Variants in KCND2 observed in about 807,000 individuals in gnomAD.
The protein encoded by KCND2 is potassium voltage-gated channel subfamily D member 2, also known as A-type voltage-gated potassium channel KCND2.
In KCND2, 16 loss-of-function variants were observed where a neutral mutation model predicts 54.4. The ratio of observed to expected loss-of-function variants is 0.29; its 90% CI spans 0.20 to 0.45. KCND2 has a LOEUF of 0.45. KCND2 is among the 20% of genes least tolerant of loss of function. The pLI, the probability that KCND2 is intolerant of heterozygous loss-of-function variation, is 1.00. For synonymous variants in KCND2, 317 were observed against 310.7 expected (o/e 1.02, Z -0.21); for missense variants, 486 against 824.2 (o/e 0.59, Z 5.02).
At chr7:120,352,358 ATATG>A (rs1280270045) in intron 1 of KCND2, among the ~76,000 whole-genome samples, 15 of 152,038 alleles carry the variant, frequency 9.9e-5, no homozygotes, top group Admixed American at 8.5e-4. Flanking sequence ...AAATACATAC[ATATG>A]TATGTATATA....
At chr7:120,645,572 T>A (rs947188309) in intron 1 of KCND2, among the ~76,000 whole-genome samples, 1 of 152,214 alleles carries the variant, frequency 6.6e-6, no homozygotes, top group Non-Finnish European at 1.5e-5. Context: ...GCTGACCACA[T>A]AACATGTGGC....
chr7:120,746,068 GT>G, intron 5 of KCND2, 41 bp downstream of exon 5: 7 of 1,604,456 alleles, frequency 4.4e-6, no homozygotes, highest in Non-Finnish European at 5.1e-6. Context: ...ACCTGTGCTG[GT>G]TCCCAGGGTG....
intron 1 of KCND2, among the ~76,000 whole-genome samples, chr7:120,624,775 T>G: frequency 7.2e-6 from 1 of 139,852 alleles, no homozygotes; most frequent in African/African-American, 3.0e-5. Context: ...ACTGAGACCC[T>G]GTCTCAAAAA....
chr7:120,566,469 C>T (rs953820309), intron 1 of KCND2, among the ~76,000 whole-genome samples: 4 of 152,002 alleles, frequency 2.6e-5, no homozygotes, highest in Admixed American at 2.6e-4. Context: ...AAGCCTCCCA[C>T]GTACCTGGGG....
chr7:120,307,394 G>A (rs766445631), intron 1 of KCND2, among the ~76,000 whole-genome samples: 3 of 152,042 alleles, frequency 2.0e-5, no homozygotes, highest in Non-Finnish European at 2.9e-5. Flanking sequence ...TGGGGACAGT[G>A]ATATACCTAC....
chr7:120,494,339 C>G (rs1802821979), intron 1 of KCND2, among the ~76,000 whole-genome samples: 1 of 152,004 alleles, frequency 6.6e-6, no homozygotes, highest in South Asian at 2.1e-4. Context: ...TATTGTGACA[C>G]CATGTTTGAA....
chr7:120,319,995 C>T (rs1799870967), intron 1 of KCND2, among the ~76,000 whole-genome samples: 1 of 151,854 alleles, frequency 6.6e-6, no homozygotes, highest in African/African-American at 2.4e-5. Context: ...TGCAAAAGTG[C>T]AAGATTGTTA....
At position 120,347,283 on chromosome 7, in the gene KCND2, T is replaced by A. The variant is rs1274035619; in HGVS notation, c.1115+71536T>A. Reference sequence around the variant, plus strand: ...GGTCTTTAGCCCTTAACTACTTAAGTATTCAGAACAGGTTTCAGACTGTGT... The same window carrying A: ...GGTCTTTAGCCCTTAACTACTTAAGAATTCAGAACAGGTTTCAGACTGTGT... On this transcript the variant is annotated intron_variant, in intron 1 of 5. Coordinates refer to ENST00000331113, the MANE Select transcript of KCND2 (RefSeq NM_012281.3). Among the ~76,000 whole-genome samples, 3 of 152,308 alleles carry A rather than the reference T, an allele frequency of 2.0e-5. No homozygotes were observed. The East Asian group carries it at 5.8e-4, about 29-fold the overall frequency.
intron 1 of KCND2, among the ~76,000 whole-genome samples, chr7:120,511,052 A>T (rs1156393166): frequency 1.3e-5 from 2 of 149,038 alleles, no homozygotes; most frequent in Non-Finnish European, 3.0e-5. Context: ...ACACACACAC[A>T]CTTCTCAGAG....
At chr7:120,383,948 C>T (rs1336066089) in intron 1 of KCND2, among the ~76,000 whole-genome samples, 1 of 151,994 alleles carries the variant, frequency 6.6e-6, no homozygotes, top group Admixed American at 6.6e-5. Context: ...GGCAAATGTA[C>T]AAGGATTGTG....
intron 1 of KCND2, among the ~76,000 whole-genome samples, chr7:120,706,976 A>C (rs1562915884): frequency 6.6e-6 from 1 of 152,148 alleles, no homozygotes; most frequent in Admixed American, 6.6e-5. Context: ...TGAGGTACAA[A>C]ACACAAGCAT....
intron 1 of KCND2, among the ~76,000 whole-genome samples, chr7:120,607,996 C>T (rs1368262037): frequency 7.7e-6 from 1 of 129,596 alleles, no homozygotes; most frequent in Non-Finnish European, 1.6e-5. Flanking sequence ...ACTTTCAATG[C>T]CAGCCTAAGG....
At chr7:120,554,472 G>A (rs1039113968) in intron 1 of KCND2, among the ~76,000 whole-genome samples, 1 of 151,630 alleles carries the variant, frequency 6.6e-6, no homozygotes, top group Non-Finnish European at 1.5e-5. Context: ...ACAGTGGCGC[G>A]ATCTCAGCTC....
At chr7:120,437,261 G>C (rs779783053) in intron 1 of KCND2, among the ~76,000 whole-genome samples, 41 of 144,596 alleles carry the variant, frequency 2.8e-4, no homozygotes, top group Non-Finnish European at 4.9e-4. Context: ...GGAGTGCAGT[G>C]ACTCGATCTC....
At chr7:120,506,038 T>A (rs1237770906) in intron 1 of KCND2, among the ~76,000 whole-genome samples, 2 of 149,612 alleles carry the variant, frequency 1.3e-5, no homozygotes, top group African/African-American at 5.1e-5. Flanking sequence ...TACTTTAAAC[T>A]GTTTGTTAAT....
intron 1 of KCND2, among the ~76,000 whole-genome samples, chr7:120,698,012 T>C (rs182560361): frequency 1.0e-4 from 15 of 148,922 alleles, no homozygotes; most frequent in African/African-American, 2.7e-4. Flanking sequence ...TTTGGATATA[T>C]AGATTTGCCC....
intron 1 of KCND2, among the ~76,000 whole-genome samples, chr7:120,443,354 A>T (rs945926945): frequency 6.3e-5 from 5 of 79,856 alleles, no homozygotes; most frequent in Non-Finnish European, 1.1e-4. Flanking sequence ...ACAATAATAA[A>T]TAATAATAAT....
Position 120,650,450 on chromosome 7 carries a change from T to C in KCND2, c.1116-82453T>C, listed in dbSNP as rs1199620048. Reference sequence around the variant, plus strand: ...CATTTGTCGTGTAGTTCTCGTGCCATGGTTTTCAGCTCCATCAGGTCATTT... The same window carrying C: ...CATTTGTCGTGTAGTTCTCGTGCCACGGTTTTCAGCTCCATCAGGTCATTT... On this transcript the variant is annotated intron_variant, in intron 1 of 5. Transcript: ENST00000331113. Among the ~76,000 whole-genome samples the C allele has an allele frequency of 1.8e-4, 25 of 140,214 alleles. 5 individuals are homozygous for C. The highest frequency in any genetic ancestry group is 6.5e-4 in the African/African-American group (23 of 35,294). 92.0% of individuals were successfully genotyped at this position (140,214 alleles called of 152,430 possible).
rs550983554 is a variant in KCND2, at chr7:120,668,203, A to G, written c.1116-64700A>G. Among the ~76,000 whole-genome samples the G allele has an allele frequency of 1.4e-4, 22 of 152,050 alleles. 1 individual carries two copies. Among genetic ancestry groups the G allele is most frequent in the Non-Finnish European group, 8.8e-5 (6 of 67,954 alleles). On this transcript the variant is annotated intron_variant, in intron 1 of 5. Transcript: ENST00000331113. ...ATGAATGGATTTTCTTCCTCAAAAA[A>G]TTTCACACGTCGATGGTAACATAAA...
Sources: allele counts gnomAD v4.1 joint callset (sites outside exome capture counted in the v4.1 genomes callset), GRCh38; gene constraint gnomAD v4.1.1; transcripts MANE v1.5; gene names NCBI Gene and HGNC (gene_info 2026-07-23, HGNC 2026-07-21).